The following LRRC59 variants were observed in gnomAD, a reference collection of about 807,000 sequenced individuals.
LRRC59 encodes the protein leucine-rich repeat-containing protein 59.
Under a neutral mutation model 33.5 loss-of-function variants are expected in LRRC59, and 18 were observed. The observed-to-expected ratio is 0.54, with a 90% confidence interval of 0.37 to 0.80. The LOEUF is 0.80. LRRC59 is among the 30% of genes least tolerant of loss of function. The pLI is 0.00. For synonymous variants in LRRC59, 138 were observed against 160.0 expected (o/e 0.86, Z 1.04); for missense variants, 330 against 391.9 (o/e 0.84, Z 1.33).
intron 1 of LRRC59, among the ~76,000 whole-genome samples, 157 bp from the exon 2 acceptor site, chr17:50,395,145 A>G (rs1914240517): frequency 6.6e-6 from 1 of 152,204 alleles, no homozygotes; most frequent in Non-Finnish European, 1.5e-5. Flanking sequence ...AAGAGGAAAA[A>G]TAAGCCAGTC....
intron 4 of LRRC59, among the ~76,000 whole-genome samples, chr17:50,392,108 G>C (rs940367123): frequency 1.3e-5 from 2 of 152,218 alleles, no homozygotes; most frequent in Non-Finnish European, 2.9e-5. Flanking sequence ...GCTGAGGCAG[G>C]AGAATCGCTT....
chr17:50,384,478 T>G (rs1454754512), intron 6 of LRRC59, among the ~76,000 whole-genome samples: 1 of 151,998 alleles, frequency 6.6e-6, no homozygotes, highest in Non-Finnish European at 1.5e-5. Flanking sequence ...CTTTTAAGAG[T>G]AAACTTGCCG....
At chr17:50,388,201 G>A (rs768803496) in intron 4 of LRRC59, 69 bp from the exon 5 acceptor site, 1 of 1,428,602 alleles carries the variant, frequency 7.0e-7, no homozygotes, top group Admixed American at 1.7e-5. Context: ...TCAAAAAACA[G>A]ACTATTTTCA....
intron 1 of LRRC59, 131 bp downstream of exon 1, chr17:50,397,082 T>C (rs1418422687): frequency 3.1e-6 from 2 of 649,558 alleles, no homozygotes; most frequent in East Asian, 3.3e-5. Context: ...CTAGGGGACT[T>C]AGTCCCACCA....
At chr17:50,390,164 A>G (rs1421981799) in intron 4 of LRRC59, among the ~76,000 whole-genome samples, 1 of 151,438 alleles carries the variant, frequency 6.6e-6, no homozygotes, top group Non-Finnish European at 1.5e-5. Flanking sequence ...GGCTCAGGGC[A>G]CTCAGGCAGT....
At chr17:50,387,929 C>T (rs1598368849) in intron 5 of LRRC59, 131 bp downstream of exon 5, 1 of 855,346 alleles carries the variant, frequency 1.2e-6, no homozygotes, top group Non-Finnish European at 2.0e-6. Flanking sequence ...CCATCCACCA[C>T]AATACTGTCC....
intron 4 of LRRC59, among the ~76,000 whole-genome samples, chr17:50,391,261 T>C (rs1388968516): frequency 6.6e-6 from 1 of 152,248 alleles, no homozygotes; most frequent in Non-Finnish European, 1.5e-5. Flanking sequence ...AACTCTTGTC[T>C]TAGCTACTTG....
rs3760408 is a variant in LRRC59 at position 50,394,645 on chromosome 17, G to A, written c.165+284C>T. On this transcript the variant is annotated intron_variant, in intron 2 of 6. Transcript: ENST00000225972. ...GAATAAAATAATGTAGAAAAAAGATGAGCCCAGTAAGTTACTCAGCACCCT... is the reference window on the plus strand; with the variant it reads ...GAATAAAATAATGTAGAAAAAAGATAAGCCCAGTAAGTTACTCAGCACCCT... Among the ~76,000 whole-genome samples, 30 of 152,264 alleles carry A rather than the reference G, an allele frequency of 2.0e-4. No individual in the cohort carries two copies. The East Asian group carries it at 4.6e-3, about 23-fold the overall frequency.
chr17:50,384,208 C>T (rs1045002683), intron 6 of LRRC59, among the ~76,000 whole-genome samples: 1 of 152,002 alleles, frequency 6.6e-6, no homozygotes, highest in African/African-American at 2.4e-5. Flanking sequence ...GGCCAAATGA[C>T]TCCTCTAGTG....
chr17:50,387,567 C>A (rs778738120), intron 5 of LRRC59, among the ~76,000 whole-genome samples: 3 of 152,158 alleles, frequency 2.0e-5, no homozygotes, highest in Non-Finnish European at 4.4e-5. Flanking sequence ...ATCATGGAGA[C>A]ATGCTGGAAG....
intron 4 of LRRC59, among the ~76,000 whole-genome samples, chr17:50,389,750 C>A (rs1914096346): frequency 6.6e-6 from 1 of 152,172 alleles, no homozygotes; most frequent in Non-Finnish European, 1.5e-5. Flanking sequence ...GACAAGCACA[C>A]ACCCATCATA....
rs572557855 is a variant in LRRC59 at position 50,387,080 on chromosome 17, C to T, written c.502+980G>A. On this transcript the variant is annotated intron_variant, in intron 5 of 6. Coordinates refer to ENST00000225972, the MANE Select transcript of LRRC59 (RefSeq NM_018509.4). ...TTGCAGTGAGCCGAGATCGTGCCACCGCACTCCAGCCTGGGCAACAGAGCG... is the reference window on the plus strand; with the variant it reads ...TTGCAGTGAGCCGAGATCGTGCCACTGCACTCCAGCCTGGGCAACAGAGCG... Among the ~76,000 whole-genome samples, 35 of 151,810 alleles carry T rather than the reference C, an allele frequency of 2.3e-4. No homozygotes were observed. In the East Asian group the frequency reaches 4.1e-3, roughly 18 times the overall value.
chr17:50,392,941 C>A (rs372901496), intron 2 of LRRC59, 44 bp from the exon 3 acceptor site: 4 of 1,560,852 alleles, frequency 2.6e-6, no homozygotes, highest in African/African-American at 2.7e-5. Context: ...GTCCAACACA[C>A]GAGCCACGAC....
chr17:50,388,227 A>G, intron 4 of LRRC59, 95 bp from the exon 5 acceptor site: 1 of 1,123,110 alleles, frequency 8.9e-7, no homozygotes, highest in South Asian at 1.2e-5. Flanking sequence ...CCAGATTATC[A>G]TGGTAGCAAT....
chr17:50,382,275 C>G lies in LRRC59; in HGVS notation c.*713G>C, dbSNP rs931552188. The G allele has an allele frequency of 3.9e-5, 6 of 152,182 alleles. No individual in the cohort carries two copies. The highest frequency in any genetic ancestry group is 5.9e-5 in the Non-Finnish European group (4 of 68,074). The allele number at this position is 152,182 out of a possible 1,614,324, so 9.4% of individuals were successfully genotyped here. On this transcript the variant is annotated 3_prime_UTR_variant, in exon 7 of 7. Coordinates refer to ENST00000225972, the MANE Select transcript of LRRC59 (RefSeq NM_018509.4). ...GGAATAATCGATTCTGGTGTGAGTT[C>G]TGGTCTCTCAGGACATTATAAAGGA...
chr17:50,393,001 C>T lies in LRRC59; in HGVS notation c.166-104G>A, dbSNP rs563013028. The stretch of plus-strand genomic sequence containing the variant: ...ATTTGTAACCTTTCTTAAAACATTA[C>T]GAGATTTTTTTTCCTTTTTCAGCTC... On this transcript the variant is annotated intron_variant, in intron 2 of 6. Coordinates refer to ENST00000225972, the MANE Select transcript of LRRC59 (RefSeq NM_018509.4). 1.3e-4 allele frequency: 156 copies of T among 1,163,328 alleles called. 1 individual carries two copies. The Middle Eastern group carries it at 1.9e-3, about 14-fold the overall frequency. The allele number at this position is 1,163,328 out of a possible 1,614,324, so 72.1% of individuals were successfully genotyped here.
At chr17:50,395,046 C>A in intron 1 of LRRC59, 58 bp from the exon 2 acceptor site, 1 of 1,202,358 alleles carries the variant, frequency 8.3e-7, no homozygotes, top group South Asian at 1.2e-5. Flanking sequence ...AATTCACTGA[C>A]ATATGTTAAT....
intron 6 of LRRC59, among the ~76,000 whole-genome samples, chr17:50,384,765 C>A (rs369649300): frequency 2.5e-3 from 332 of 131,974 alleles, no homozygotes; most frequent in Non-Finnish European, 2.9e-3. Flanking sequence ...AACTCTGTCT[C>A]AAAAAAAAAA....
At position 50,392,785 on chromosome 17, in the gene LRRC59, A is replaced by G; in HGVS notation, c.278T>C (p.Leu93Pro). Reference protein sequence around the residue: ...RLVNLQHLDLLNNKLVTLPVS... With the variant: ...RLVNLQHLDLPNNKLVTLPVS... Reference sequence around the variant, plus strand: ...AGGCAAGGTGACCAGCTTGTTGTTGAGGAGATCCAGGTGCTGGAGGTTGAC... The same window carrying G: ...AGGCAAGGTGACCAGCTTGTTGTTGGGGAGATCCAGGTGCTGGAGGTTGAC... Residue 93 changes from leucine to proline, a missense_variant, in exon 3 of 7, where the codon CTC (leucine) becomes CCC (proline). By Grantham distance (98) the Leu-to-Pro change is moderately conservative. Transcript: ENST00000225972. The G allele has an allele frequency of 1.2e-6, 2 of 1,614,090 alleles. No individual in the cohort carries two copies. The highest frequency in any genetic ancestry group is 1.7e-6 in the Non-Finnish European group (2 of 1,179,992).
Sources: gnomAD v4.1 joint callset for allele counts (sites outside exome capture counted in the v4.1 genomes callset) on GRCh38, gnomAD v4.1.1 for gene constraint, MANE v1.5 for transcripts, NCBI Gene and HGNC (gene_info 2026-07-23, HGNC 2026-07-21) for gene names.